Variants in MOB3B observed in about 807,000 individuals in gnomAD.
MOB3B encodes MOB kinase activator-like 2B.
Under a neutral mutation model 18.7 loss-of-function variants are expected in MOB3B, and 7 were observed. The observed-to-expected ratio is 0.37, with a 90% CI of 0.21 to 0.70. The LOEUF (loss-of-function observed/expected upper bound fraction) is 0.70, where lower values mean the gene tolerates loss of function less well. Among genes scored for constraint, MOB3B ranks in the 30% least tolerant of loss-of-function variants. MOB3B has a pLI of 0.52. For synonymous variants in MOB3B, 111 were observed against 99.9 expected (o/e 1.11, Z -0.66); for missense variants, 253 against 281.3 (o/e 0.90, Z 0.72).
At chr9:27,374,067 C>T (rs945274468) in intron 2 of MOB3B, among the ~76,000 whole-genome samples, 1 of 152,236 alleles carries the variant, frequency 6.6e-6, no homozygotes, top group Non-Finnish European at 1.5e-5. Flanking sequence ...TACGTCACTT[C>T]CGTTTTCTGT....
intron 1 of MOB3B, among the ~76,000 whole-genome samples, chr9:27,488,434 G>A (rs1457059391): frequency 6.6e-6 from 1 of 152,122 alleles, no homozygotes; most frequent in Non-Finnish European, 1.5e-5. Flanking sequence ...TTGAGATGGT[G>A]TCTCGCTCTG....
intron 2 of MOB3B, among the ~76,000 whole-genome samples, chr9:27,401,960 G>T (rs1821887178): frequency 6.6e-6 from 1 of 152,126 alleles, no homozygotes; most frequent in African/African-American, 2.4e-5. Flanking sequence ...AGCGCATAAT[G>T]TGCAGATATT....
chr9:27,454,037 C>G (rs1274180386), intron 2 of MOB3B, among the ~76,000 whole-genome samples: 1 of 152,134 alleles, frequency 6.6e-6, no homozygotes, highest in Non-Finnish European at 1.5e-5. Context: ...ACTGGACAAG[C>G]CAAAGCAACA....
chr9:27,454,324 C>T (rs1688121739), intron 2 of MOB3B, among the ~76,000 whole-genome samples: 3 of 152,162 alleles, frequency 2.0e-5, no homozygotes, highest in Non-Finnish European at 4.4e-5. Flanking sequence ...ACAAATATTT[C>T]CTGAGTGTCT....
At chr9:27,370,601 T>TCACCAGACACTGAACC (rs1358340010) in intron 2 of MOB3B, among the ~76,000 whole-genome samples, 1 of 151,752 alleles carries the variant, frequency 6.6e-6, no homozygotes, top group East Asian at 1.9e-4. Context: ...AAGCAAGGCC[T>TCACCAGACACTGAACC]CACCAGACAC....
chr9:27,449,356 A>G (rs1308612390), intron 2 of MOB3B, among the ~76,000 whole-genome samples: 1 of 152,190 alleles, frequency 6.6e-6, no homozygotes, highest in African/African-American at 2.4e-5. Flanking sequence ...ACTGAGAGAG[A>G]GATAACTAAC....
At chr9:27,434,524 T>A (rs985081811) in intron 2 of MOB3B, among the ~76,000 whole-genome samples, 6 of 152,024 alleles carry the variant, frequency 3.9e-5, no homozygotes, top group African/African-American at 1.4e-4. Context: ...AGCCAAGACC[T>A]TTTTTTCTGA....
chr9:27,465,685 A>T (rs1433251731), intron 1 of MOB3B, among the ~76,000 whole-genome samples: 3 of 152,176 alleles, frequency 2.0e-5, no homozygotes, highest in African/African-American at 2.4e-5. Context: ...ATGTCCACAC[A>T]TCTTCTGAAA....
chr9:27,422,657 A>C (rs1822271995), intron 2 of MOB3B, among the ~76,000 whole-genome samples: 1 of 152,226 alleles, frequency 6.6e-6, no homozygotes, highest in Admixed American at 6.5e-5. Flanking sequence ...TCATGAGATC[A>C]GTCTCTGATG....
intron 2 of MOB3B, among the ~76,000 whole-genome samples, chr9:27,365,764 G>A (rs1821335177): frequency 6.6e-6 from 1 of 152,188 alleles, no homozygotes; most frequent in Admixed American, 6.5e-5. Flanking sequence ...TCCACAGAGA[G>A]GGGATGGATA....
chr9:27,523,464 C>CAAAAAAAAAAAAAAA (rs55637136), intron 1 of MOB3B, among the ~76,000 whole-genome samples: 17 of 141,722 alleles, frequency 1.2e-4, no homozygotes, highest in Admixed American at 6.3e-4. Context: ...TAAACTGCAC[C>CAAAAAAAAAAAAAAA]AAAAAAAAAA....
chr9:27,417,280 T>C (rs1395269119), intron 2 of MOB3B, among the ~76,000 whole-genome samples: 1 of 152,004 alleles, frequency 6.6e-6, no homozygotes, highest in Non-Finnish European at 1.5e-5. Flanking sequence ...AGGAGAATGG[T>C]GTGAACCTGG....
At chr9:27,377,014 G>C (rs905458087) in intron 2 of MOB3B, among the ~76,000 whole-genome samples, 18 of 152,186 alleles carry the variant, frequency 1.2e-4, no homozygotes, top group African/African-American at 4.3e-4. Context: ...ACACGATCTT[G>C]GGCAAATGAC....
chr9:27,409,515 C>T (rs550062162), intron 2 of MOB3B, among the ~76,000 whole-genome samples: 1 of 152,316 alleles, frequency 6.6e-6, no homozygotes, highest in South Asian at 2.1e-4. Flanking sequence ...CTGTGGAAAA[C>T]AGTATGGCAG....
Position 27,529,461 on chromosome 9 carries a change from C to T in MOB3B, c.-199+94G>A, listed in dbSNP as rs115446201. The T allele has an allele frequency of 8.1e-5, 66 of 813,162 alleles. No individual in the cohort carries two copies. The South Asian group carries it at 3.4e-3, about 42-fold the overall frequency. The allele number at this position is 813,162 out of a possible 1,614,324, so 50.4% of individuals were successfully genotyped here. A position where few individuals can be genotyped will look rare whatever the true frequency, so the allele number is the denominator to read the frequency against. On this transcript the variant is annotated intron_variant, in intron 1 of 3. Coordinates refer to ENST00000262244, the MANE Select transcript of MOB3B (RefSeq NM_024761.5). ...ACCTTCTTGCACCCGCGCCCAGGTG[C>T]GCCCCAAACCTCGCCGCCCGCCCGG...
intron 2 of MOB3B, among the ~76,000 whole-genome samples, chr9:27,448,192 A>T (rs1822722523): frequency 6.6e-6 from 1 of 152,220 alleles, no homozygotes; most frequent in African/African-American, 2.4e-5. Context: ...TCTGAAACTC[A>T]GTTCTGCCTG....
chr9:27,508,631 G>A (rs576453974), intron 1 of MOB3B, among the ~76,000 whole-genome samples: 16 of 152,016 alleles, frequency 1.1e-4, no homozygotes, highest in Non-Finnish European at 1.2e-4. Context: ...ACAAAAAAAC[G>A]AGTGAGATAA....
chr9:27,461,205 A>G (rs1819281738), intron 1 of MOB3B, among the ~76,000 whole-genome samples: 2 of 152,172 alleles, frequency 1.3e-5, no homozygotes, highest in South Asian at 4.1e-4. Flanking sequence ...TATTGAATTA[A>G]AGTAGATTGG....
At chr9:27,474,694 C>T (rs975170277) in intron 1 of MOB3B, among the ~76,000 whole-genome samples, 1 of 152,194 alleles carries the variant, frequency 6.6e-6, no homozygotes. Flanking sequence ...TCTGGAAAGG[C>T]TCTTTGAGGA....
Sources: allele counts gnomAD v4.1 joint callset (sites outside exome capture counted in the v4.1 genomes callset), GRCh38; gene constraint gnomAD v4.1.1; transcripts MANE v1.5; gene names NCBI Gene and HGNC (gene_info 2026-07-23, HGNC 2026-07-21).